The following BCKDHB variants were observed in gnomAD, a reference collection of about 807,000 sequenced individuals.
BCKDHB encodes the protein 2-oxoisovalerate dehydrogenase subunit beta, mitochondrial.
BCKDHB carries 41 observed loss-of-function variants against 48.5 expected under a neutral mutation model. The ratio of observed to expected loss-of-function variants is 0.85; its 90% CI spans 0.66 to 1.10. The LOEUF is 1.10. Ranked by LOEUF, BCKDHB falls within the 50% of genes least tolerant of loss-of-function variation. The pLI is 0.00. For missense variants in BCKDHB, 496 were observed against 494.2 expected, an observed-to-expected ratio of 1.00 and a Z score of -0.03; for synonymous variants, 201 against 174.8, an observed-to-expected ratio of 1.15 and a Z score of -1.18.
intron 9 of BCKDHB, among the ~76,000 whole-genome samples, chr6:80,304,178 G>C (rs1212739869): frequency 6.6e-6 from 1 of 152,004 alleles, no homozygotes; most frequent in Non-Finnish European, 1.5e-5. Context: ...GCAATACTGT[G>C]GTATTTTTGT....
rs1440381955 is a variant in BCKDHB, at chr6:80,346,081, C to T, written c.*2277C>T. The T allele has an allele frequency of 1.3e-5, 2 of 151,986 alleles. No homozygotes were observed. The highest frequency in any genetic ancestry group is 1.3e-4 in the Admixed American group (2 of 15,264). 9.4% of individuals were successfully genotyped at this position (151,986 alleles called of 1,614,324 possible). On this transcript the variant is annotated 3_prime_UTR_variant, in exon 10 of 10. Coordinates refer to ENST00000320393, the MANE Select transcript of BCKDHB (RefSeq NM_183050.4). ...AAAAGAGAGTTTTTATTAAGTGAAC[C>T]ATCACGATATTGGCTGAAAAGTTCT...
At chr6:80,230,023 GTTGTTTTTTTTTTTTT>G (rs966639517) in intron 8 of BCKDHB, among the ~76,000 whole-genome samples, 1 of 89,508 alleles carries the variant, frequency 1.1e-5, no homozygotes, top group African/African-American at 5.7e-5. Context: ...GGGTTTTTAG[GTTGTTTTTTTTTTTTT>G]TTTTTTTTTT....
At chr6:80,387,337 A>G in the BCKDHB span, among the ~76,000 whole-genome samples, 14 of 151,420 alleles carry the variant, frequency 9.2e-5, no homozygotes, top group South Asian at 2.9e-3. Context: ...GAAAGGCTAA[A>G]TAGAAGCCAT....
chr6:80,162,147 T>A (rs1772347544), intron 3 of BCKDHB, among the ~76,000 whole-genome samples: 1 of 152,176 alleles, frequency 6.6e-6, no homozygotes, highest in African/African-American at 2.4e-5. Flanking sequence ...ATGCTGCATG[T>A]TCCGGGTCCA....
chr6:80,407,137 G>A, the BCKDHB span, among the ~76,000 whole-genome samples: 1 of 151,822 alleles, frequency 6.6e-6, no homozygotes, highest in Non-Finnish European at 1.5e-5. Flanking sequence ...TTTTGTTTTT[G>A]TCAGGTTTGT....
At chr6:80,259,102 T>C (rs670390) in intron 8 of BCKDHB, among the ~76,000 whole-genome samples, 138,544 of 152,140 alleles carry the variant, frequency 0.91, 63,156 homozygotes, top group East Asian at 0.99. Flanking sequence ...TTAATCTCCC[T>C]ACTTGATTTT....
chr6:80,114,582 A>G (rs1359276110), intron 1 of BCKDHB, among the ~76,000 whole-genome samples: 9 of 152,122 alleles, frequency 5.9e-5, no homozygotes, highest in African/African-American at 2.2e-4. Context: ...TTTTGGAAGT[A>G]GGATTTGATA....
chr6:80,384,634 G>A, the BCKDHB span, among the ~76,000 whole-genome samples: 2 of 152,134 alleles, frequency 1.3e-5, no homozygotes, highest in Non-Finnish European at 2.9e-5. Context: ...TGGGATTACA[G>A]GTATGAGCCG....
At chr6:80,253,944 GTTAA>G (rs201076849) in intron 8 of BCKDHB, among the ~76,000 whole-genome samples, 2,800 of 151,080 alleles carry the variant, frequency 0.019, 28 homozygotes, top group Non-Finnish European at 0.023. Context: ...CTTGAATTAA[GTTAA>G]TTAATTAAGC....
At chr6:80,348,110 T>A (rs4706841), downstream of BCKDHB, among the ~76,000 whole-genome samples, 70,741 of 151,636 alleles carry the variant, frequency 0.47, 17,272 homozygotes, top group Admixed American at 0.59. Context: ...GTGTACATTT[T>A]AAAAAAAAAT....
intron 3 of BCKDHB, among the ~76,000 whole-genome samples, chr6:80,148,287 A>G (rs1182178673): frequency 6.6e-6 from 1 of 152,138 alleles, no homozygotes; most frequent in East Asian, 1.9e-4. Flanking sequence ...AGAAGTGTCC[A>G]TATCTACTTT....
At chr6:80,381,140 T>G in the BCKDHB span, among the ~76,000 whole-genome samples, 3 of 152,028 alleles carry the variant, frequency 2.0e-5, no homozygotes, top group Non-Finnish European at 4.4e-5. Context: ...TTTTACCTTA[T>G]TTGTATGGCC....
At chr6:80,200,390 T>C (rs1240143947) in intron 6 of BCKDHB, among the ~76,000 whole-genome samples, 2 of 152,146 alleles carry the variant, frequency 1.3e-5, no homozygotes, top group Non-Finnish European at 2.9e-5. Flanking sequence ...CAATCTACTT[T>C]AAAATTTTTG....
chr6:80,177,793 G>C (rs148315468), intron 6 of BCKDHB, among the ~76,000 whole-genome samples: 1 of 152,144 alleles, frequency 6.6e-6, no homozygotes. Flanking sequence ...TAGGTAAAGG[G>C]TTCCTTAGGA....
chr6:80,176,114 G>A (rs1308965550), intron 6 of BCKDHB, among the ~76,000 whole-genome samples: 1 of 152,144 alleles, frequency 6.6e-6, no homozygotes, highest in Admixed American at 6.5e-5. Flanking sequence ...TTAGCAGAAG[G>A]AAATGGGTTA....
At chr6:80,430,972 C>T in the BCKDHB span, among the ~76,000 whole-genome samples, 2 of 152,034 alleles carry the variant, frequency 1.3e-5, no homozygotes, top group Non-Finnish European at 2.9e-5. Context: ...TATAAATTTC[C>T]CTATACACTC....
the BCKDHB span, among the ~76,000 whole-genome samples, chr6:80,436,260 G>A: frequency 1.5e-5 from 2 of 135,802 alleles, no homozygotes; most frequent in African/African-American, 5.3e-5. Context: ...CCGGGTTCAC[G>A]CCATTCTCCC....
intron 8 of BCKDHB, among the ~76,000 whole-genome samples, chr6:80,220,318 TTTGTCATGTA>T (rs1775367048): frequency 6.7e-6 from 1 of 148,850 alleles, no homozygotes; most frequent in African/African-American, 2.4e-5. Context: ...TTTTTTTTTT[TTTGTCATGTA>T]TTTTCCTTCA....
At chr6:80,202,903 A>G (rs1774462029) in intron 7 of BCKDHB, among the ~76,000 whole-genome samples, 199 bp from the exon 8 acceptor site, 1 of 151,910 alleles carries the variant, frequency 6.6e-6, no homozygotes, top group African/African-American at 2.4e-5. Context: ...ACCTCTTTCC[A>G]TCTGTTTTCT....
Sources: gnomAD v4.1 joint callset for allele counts (sites outside exome capture counted in the v4.1 genomes callset) on GRCh38, gnomAD v4.1.1 for gene constraint, MANE v1.5 for transcripts, NCBI Gene and HGNC (gene_info 2026-07-23, HGNC 2026-07-21) for gene names.